The following CHRM3 variants were observed in gnomAD, a reference collection of about 807,000 sequenced individuals.
The protein encoded by CHRM3 is muscarinic acetylcholine receptor M3.
CHRM3 carries 11 observed loss-of-function variants against 41.8 expected under a neutral mutation model. That is an observed-to-expected ratio of 0.26 (90% CI 0.17 to 0.44). CHRM3 has a LOEUF of 0.44. Ranked by LOEUF, CHRM3 falls within the 20% of genes least tolerant of loss-of-function variation. The pLI is 1.00. For synonymous variants in CHRM3, 297 were observed against 301.4 expected (o/e 0.99, Z 0.15); for missense variants, 571 against 745.4 (o/e 0.77, Z 2.72).
At chr1:239,529,817 A>C (rs1165386978) in intron 2 of CHRM3, among the ~76,000 whole-genome samples, 1 of 152,046 alleles carries the variant, frequency 6.6e-6, no homozygotes, top group Non-Finnish European at 1.5e-5. Flanking sequence ...TGCTATTCTC[A>C]ACCCTTTTCA....
At chr1:239,582,519 C>T (rs1403401006) in intron 3 of CHRM3, among the ~76,000 whole-genome samples, 1 of 152,068 alleles carries the variant, frequency 6.6e-6, no homozygotes, top group African/African-American at 2.4e-5. Context: ...ATGGGTCTTC[C>T]ATGATTTCCC....
intron 5 of CHRM3, among the ~76,000 whole-genome samples, chr1:239,776,159 T>C (rs944533266): frequency 3.9e-5 from 6 of 152,186 alleles, no homozygotes; most frequent in African/African-American, 1.4e-4. Flanking sequence ...ATTACTCTCA[T>C]AGATGCATAA....
At chr1:239,412,853 G>A (rs1007723399) in intron 1 of CHRM3, among the ~76,000 whole-genome samples, 11 of 151,884 alleles carry the variant, frequency 7.2e-5, no homozygotes, top group Admixed American at 2.0e-4. Flanking sequence ...GGTCGAGGCG[G>A]GCAGATTACG....
At chr1:239,419,595 T>C (rs1661775323) in intron 1 of CHRM3, among the ~76,000 whole-genome samples, 1 of 152,274 alleles carries the variant, frequency 6.6e-6, no homozygotes, top group East Asian at 1.9e-4. Context: ...GGATAATAGA[T>C]AAAAGAGGGC....
chr1:239,764,918 C>T (rs1667084484), intron 5 of CHRM3, among the ~76,000 whole-genome samples: 1 of 152,222 alleles, frequency 6.6e-6, no homozygotes, highest in Admixed American at 6.5e-5. Context: ...GGAATTTAGT[C>T]ACGCAGTTGA....
At chr1:239,770,912 A>G (rs1413743803) in intron 5 of CHRM3, among the ~76,000 whole-genome samples, 4 of 152,040 alleles carry the variant, frequency 2.6e-5, no homozygotes, top group Non-Finnish European at 4.4e-5. Flanking sequence ...AAATGGTAAA[A>G]CCCTGTTTCT....
At chr1:239,588,700 A>G (rs1019721706) in intron 3 of CHRM3, among the ~76,000 whole-genome samples, 1 of 152,220 alleles carries the variant, frequency 6.6e-6, no homozygotes, top group African/African-American at 2.4e-5. Flanking sequence ...GACCAGATGC[A>G]CAAGGTCTGG....
chr1:239,639,885 A>T (rs1670911631), intron 4 of CHRM3, among the ~76,000 whole-genome samples: 1 of 146,366 alleles, frequency 6.8e-6, no homozygotes, highest in Non-Finnish European at 1.5e-5. Context: ...ATTCAGTATG[A>T]TATTGGCTGT....
chr1:239,898,272 G>A (rs540485306), intron 6 of CHRM3: 1 of 152,352 alleles, frequency 6.6e-6, no homozygotes, highest in Admixed American at 6.5e-5. Flanking sequence ...TGGGGAACGG[G>A]TAGCTGCTTC....
intron 6 of CHRM3, among the ~76,000 whole-genome samples, chr1:239,878,517 A>T (rs1030722376): frequency 3.3e-5 from 5 of 152,052 alleles, no homozygotes; most frequent in Non-Finnish European, 1.5e-5. Context: ...AGTTCCTAAC[A>T]GGCCACAGAC....
At chr1:239,542,801 G>C (rs574829539) in intron 2 of CHRM3, among the ~76,000 whole-genome samples, 1 of 152,054 alleles carries the variant, frequency 6.6e-6, no homozygotes, top group Admixed American at 6.6e-5. Flanking sequence ...AAATCTTTGG[G>C]ATTTTGTTCT....
chr1:239,527,965 C>A (rs1455157911), intron 2 of CHRM3, among the ~76,000 whole-genome samples: 1 of 152,046 alleles, frequency 6.6e-6, no homozygotes, highest in African/African-American at 2.4e-5. Flanking sequence ...TGATGACATG[C>A]ATTTTATTTT....
At position 239,850,431 on chromosome 1, in the gene CHRM3, C is replaced by T. The variant is rs191075115; in HGVS notation, c.-20+23053C>T. ...GAAGTGGAGGCAGGAGAGGCAGGCA[C>T]ACTCGGTGTAATTTTCATTGAAAGA... On this transcript the variant is annotated intron_variant, in intron 6 of 6. Coordinates refer to ENST00000676153, the MANE Select transcript of CHRM3 (RefSeq NM_001375978.1). Among the ~76,000 whole-genome samples, 7 of 152,202 alleles carry T rather than the reference C, an allele frequency of 4.6e-5. No homozygotes were observed. The East Asian group carries it at 9.7e-4, about 21-fold the overall frequency.
intron 5 of CHRM3, among the ~76,000 whole-genome samples, chr1:239,741,608 C>T (rs1387276656): frequency 1.3e-5 from 2 of 152,172 alleles, no homozygotes; most frequent in Non-Finnish European, 1.5e-5. Flanking sequence ...AGGCATGTGA[C>T]TTTGAACAAA....
intron 3 of CHRM3, among the ~76,000 whole-genome samples, chr1:239,594,933 T>G (rs2148658005): frequency 6.6e-6 from 1 of 152,160 alleles, no homozygotes; most frequent in South Asian, 2.1e-4. Context: ...CTACTAAAAA[T>G]ACAAAATTAG....
intron 3 of CHRM3, among the ~76,000 whole-genome samples, chr1:239,619,742 G>A (rs868735361): frequency 1.2e-4 from 18 of 151,730 alleles, no homozygotes; most frequent in South Asian, 4.2e-4. Context: ...GTCAAACTCC[G>A]TAACATTGGT....
intron 6 of CHRM3, among the ~76,000 whole-genome samples, chr1:239,900,057 A>G (rs1313889427): frequency 6.6e-6 from 1 of 152,188 alleles, no homozygotes; most frequent in Non-Finnish European, 1.5e-5. Context: ...ATTACAAGGA[A>G]AGACTTCCTG....
intron 1 of CHRM3, among the ~76,000 whole-genome samples, chr1:239,388,763 C>A (rs926584837): frequency 6.6e-6 from 1 of 152,196 alleles, no homozygotes; most frequent in African/African-American, 2.4e-5. Context: ...AAGGAACATG[C>A]CTGCTTCTTC....
At chr1:239,670,748 G>A (rs966809021) in intron 4 of CHRM3, among the ~76,000 whole-genome samples, 17 of 144,236 alleles carry the variant, frequency 1.2e-4, no homozygotes, top group African/African-American at 3.9e-4. Context: ...GGCTGGTCTC[G>A]AACTCCCAAC....
Sources: allele counts gnomAD v4.1 joint callset (sites outside exome capture counted in the v4.1 genomes callset), GRCh38; gene constraint gnomAD v4.1.1; transcripts MANE v1.5; gene names NCBI Gene and HGNC (gene_info 2026-07-23, HGNC 2026-07-21).